Variants in PCDH15 observed in about 807,000 individuals in gnomAD.
PCDH15 encodes protocadherin-15.
Under a neutral mutation model 178.5 loss-of-function variants are expected in PCDH15, and 129 were observed. The ratio of observed to expected loss-of-function variants is 0.72; its 90% CI spans 0.63 to 0.84. The LOEUF (loss-of-function observed/expected upper bound fraction) is 0.84. PCDH15 is among the 40% of genes least tolerant of loss of function. PCDH15 has a pLI of 0.00. For synonymous variants in PCDH15, 800 were observed against 732.0 expected (o/e 1.09, Z -1.50); for missense variants, 2,230 against 2,099.9 (o/e 1.06, Z -1.21).
At chr10:54,861,671 A>G (rs1953845844) in intron 3 of PCDH15, among the ~76,000 whole-genome samples, 1 of 152,252 alleles carries the variant, frequency 6.6e-6, no homozygotes, top group South Asian at 2.1e-4. Flanking sequence ...ATTCCTATTG[A>G]ACATTGCACT....
chr10:55,205,847 C>T (rs1840384378), intron 1 of PCDH15, among the ~76,000 whole-genome samples: 1 of 152,080 alleles, frequency 6.6e-6, no homozygotes, highest in African/African-American at 2.4e-5. Context: ...TACGGTTCCA[C>T]ATGGCTGGGG....
intron 1 of PCDH15, among the ~76,000 whole-genome samples, chr10:54,674,986 T>G (rs544085697): frequency 6.6e-6 from 1 of 152,056 alleles, no homozygotes; most frequent in Non-Finnish European, 1.5e-5. Flanking sequence ...CACTAAGAAC[T>G]TTAGTCTCTT....
At chr10:54,247,959 T>TAC (rs1237170163) in intron 8 of PCDH15, among the ~76,000 whole-genome samples, 44 of 138,018 alleles carry the variant, frequency 3.2e-4, no homozygotes, top group Admixed American at 1.1e-3. Flanking sequence ...TATATATATA[T>TAC]ACACATACAG....
chr10:54,083,543 C>T (rs10825223), intron 16 of PCDH15, among the ~76,000 whole-genome samples: 85,522 of 152,012 alleles, frequency 0.56, 25,528 homozygotes, highest in African/African-American at 0.77. Flanking sequence ...TCACACATTG[C>T]ATGATTCCAT....
chr10:55,414,256 A>G (rs985037649), intron 2 of PCDH15, among the ~76,000 whole-genome samples: 1 of 151,638 alleles, frequency 6.6e-6, no homozygotes, highest in Non-Finnish European at 1.5e-5. Flanking sequence ...AGAATGACGA[A>G]GAACCAAATA....
intron 2 of PCDH15, among the ~76,000 whole-genome samples, chr10:55,545,015 A>G (rs1841847699): frequency 5.9e-5 from 9 of 152,176 alleles, no homozygotes; most frequent in Admixed American, 5.9e-4. Context: ...TATAGGTAGT[A>G]TACTTTTTTA....
At chr10:55,565,087 G>T (rs924323937) in intron 2 of PCDH15, among the ~76,000 whole-genome samples, 2 of 151,574 alleles carry the variant, frequency 1.3e-5, no homozygotes, top group Non-Finnish European at 3.0e-5. Flanking sequence ...TTTCCAGGAC[G>T]GATTATGTGT....
At chr10:54,486,395 C>A (rs538423004) in intron 3 of PCDH15, 2 of 152,120 alleles carry the variant, frequency 1.3e-5, no homozygotes, top group East Asian at 3.9e-4. Flanking sequence ...TCAATATTTA[C>A]TATTTTATAT....
chr10:54,137,587 C>T (rs1173449206), intron 14 of PCDH15, among the ~76,000 whole-genome samples: 2 of 152,118 alleles, frequency 1.3e-5, no homozygotes, highest in Admixed American at 6.6e-5. Flanking sequence ...TCACCACATC[C>T]GATGAGATGC....
chr10:54,869,277 T>C (rs1309728811), intron 3 of PCDH15, among the ~76,000 whole-genome samples: 1 of 152,124 alleles, frequency 6.6e-6, no homozygotes, highest in Non-Finnish European at 1.5e-5. Flanking sequence ...ATACCACAAG[T>C]ATCTGGAAGA....
chr10:55,156,925 G>A (rs1838906157), intron 2 of PCDH15, among the ~76,000 whole-genome samples: 1 of 152,100 alleles, frequency 6.6e-6, no homozygotes, highest in African/African-American at 2.4e-5. Context: ...ATGAAGTCAT[G>A]ACCAATGAAG....
intron 1 of PCDH15, among the ~76,000 whole-genome samples, chr10:54,727,622 C>T (rs529614929): frequency 6.6e-6 from 1 of 151,460 alleles, no homozygotes; most frequent in Non-Finnish European, 1.5e-5. Flanking sequence ...AACTGAGATG[C>T]ATCAAACCAT....
At chr10:55,605,731 T>C (rs1413910573) in intron 2 of PCDH15, among the ~76,000 whole-genome samples, 1 of 96,174 alleles carries the variant, frequency 1.0e-5, no homozygotes, top group South Asian at 3.7e-4. Flanking sequence ...AAATTAGGTA[T>C]TGATGGGACG....
chr10:55,071,844 G>A (rs1382210894), intron 2 of PCDH15, among the ~76,000 whole-genome samples: 2 of 151,990 alleles, frequency 1.3e-5, no homozygotes, highest in Non-Finnish European at 2.9e-5. Context: ...CACATACTTG[G>A]AAGTAAAGCT....
chr10:55,566,991 A>G lies in PCDH15; in HGVS notation c.-156+60634T>C, dbSNP rs1842314955. Reference sequence around the variant, plus strand: ...CAAATAGCTAAATTGATCCTAGAAAAGAACAAGCTAGAGCACTCAGACTCC... The same window carrying G: ...CAAATAGCTAAATTGATCCTAGAAAGGAACAAGCTAGAGCACTCAGACTCC... On this transcript the variant is annotated intron_variant, in intron 2 of 5. Coordinates refer to the PCDH15 transcript ENST00000613346. 2.0e-5 allele frequency among the ~76,000 whole-genome samples: 3 copies of G among 151,992 alleles called. No individual in the cohort carries two copies. In the South Asian group the frequency reaches 6.2e-4, roughly 31 times the overall value.
intron 2 of PCDH15, among the ~76,000 whole-genome samples, chr10:55,500,338 G>A (rs1241966392): frequency 2.0e-5 from 3 of 150,048 alleles, no homozygotes; most frequent in Admixed American, 6.7e-5. Flanking sequence ...ACATGAAACA[G>A]TATATTATCT....
intron 14 of PCDH15, among the ~76,000 whole-genome samples, chr10:54,148,997 T>C (rs924431115): frequency 6.6e-6 from 1 of 152,140 alleles, no homozygotes; most frequent in South Asian, 2.1e-4. Flanking sequence ...CATGGCCTTT[T>C]AATTTTCCAG....
rs1033695089 is a variant in PCDH15 at position 54,895,796 on chromosome 10, G to GT, written c.-29+1653dup. ...AAAAGAACAAGCTGAATCAGTCAAG[G>GT]TTTTTTTTAGCCATACACGTTAGTC... On this transcript the variant is annotated intron_variant, in intron 3 of 5. Transcript: ENST00000458638. Among the ~76,000 whole-genome samples the GT allele has an allele frequency of 3.9e-5, 6 of 151,906 alleles. No individual in the cohort carries two copies. In the East Asian group the frequency reaches 1.2e-3, roughly 29 times the overall value.
chr10:55,093,154 T>C (rs955025078), intron 2 of PCDH15, among the ~76,000 whole-genome samples: 5 of 152,106 alleles, frequency 3.3e-5, no homozygotes, highest in Admixed American at 3.3e-4. Flanking sequence ...TATTATATGG[T>C]ATCCATTATA....
Sources: gnomAD v4.1 joint callset for allele counts (sites outside exome capture counted in the v4.1 genomes callset) on GRCh38, gnomAD v4.1.1 for gene constraint, MANE v1.5 for transcripts, NCBI Gene and HGNC (gene_info 2026-07-23, HGNC 2026-07-21) for gene names.